Variants in NBAS observed in about 807,000 individuals in gnomAD.
The protein encoded by NBAS is NAG/BC035112 fusion.
NBAS carries 219 observed loss-of-function variants against 302.5 expected under a neutral mutation model. That is an observed-to-expected ratio of 0.72 (90% CI 0.65 to 0.81). The LOEUF (loss-of-function observed/expected upper bound fraction) is 0.81, where lower values mean the gene tolerates loss of function less well. Ranked by LOEUF, NBAS falls within the 30% of genes least tolerant of loss-of-function variation. NBAS has a pLI of 0.00. For synonymous variants in NBAS, 1,118 were observed against 1,021.6 expected (o/e 1.09, Z -1.80); for missense variants, 2,932 against 2,841.6 (o/e 1.03, Z -0.72).
chr2:15,498,825 T>C (rs1452988982), intron 11 of NBAS, among the ~76,000 whole-genome samples: 1 of 152,108 alleles, frequency 6.6e-6, no homozygotes, highest in Non-Finnish European at 1.5e-5. Flanking sequence ...CCGCCATGAT[T>C]GTAAGTTTCC....
At chr2:14,969,652 T>C in the NBAS span, among the ~76,000 whole-genome samples, 49,897 of 152,078 alleles carry the variant, frequency 0.33, 11,054 homozygotes, top group African/African-American at 0.63. Context: ...GCTGGGATTA[T>C]AGGCGTGAGC....
chr2:15,559,592 G>T (rs1664814085), intron 1 of NBAS, among the ~76,000 whole-genome samples: 1 of 152,242 alleles, frequency 6.6e-6, no homozygotes, highest in Middle Eastern at 3.4e-3. Context: ...TTGGATTCAT[G>T]CAAGACACAA....
chr2:15,023,408 G>C, the NBAS span, among the ~76,000 whole-genome samples: 3 of 151,896 alleles, frequency 2.0e-5, no homozygotes, highest in Admixed American at 2.0e-4. Context: ...TTAAATCATG[G>C]GAATTTAATA....
intron 29 of NBAS, among the ~76,000 whole-genome samples, chr2:15,380,626 AC>A: frequency 4.6e-5 from 1 of 21,644 alleles, no homozygotes; most frequent in Non-Finnish European, 1.6e-4. Context: ...CTACTAGACA[AC>A]TAACAACATC....
Position 15,305,449 on chromosome 2 carries a change from G to GCTTTTTT in NBAS, c.4797+2766_4797+2767insAAAAAAG, listed in dbSNP as rs766552962. ...TTTATAAATTACTCAGTCTCGAGCAGTTTTTTTTTTTTTTTTTTTTTAGAT... is the reference window on the plus strand; with the variant it reads ...TTTATAAATTACTCAGTCTCGAGCAGCTTTTTTTTTTTTTTTTTTTTTTTTTTTAGAT... On this transcript the variant is annotated intron_variant, in intron 40 of 51. Coordinates refer to ENST00000281513, the MANE Select transcript of NBAS (RefSeq NM_015909.4). Among the ~76,000 whole-genome samples the GCTTTTTT allele has an allele frequency of 4.0e-5, 5 of 123,804 alleles. 2 individuals carry two copies. Among genetic ancestry groups the GCTTTTTT allele is most frequent in the Non-Finnish European group, 5.0e-5 (3 of 59,598 alleles). 81.2% of individuals were successfully genotyped at this position (123,804 alleles called of 152,430 possible). A position where few individuals can be genotyped will look rare whatever the true frequency, so the allele number is the denominator to read the frequency against.
At chr2:15,172,038 C>T (rs1434603028) in intron 51 of NBAS, among the ~76,000 whole-genome samples, 1 of 152,140 alleles carries the variant, frequency 6.6e-6, no homozygotes, top group Admixed American at 6.5e-5. Flanking sequence ...GTATCTGAAA[C>T]ATTTTTTTGG....
At chr2:14,959,968 G>A in the NBAS span, among the ~76,000 whole-genome samples, 1 of 152,092 alleles carries the variant, frequency 6.6e-6, no homozygotes, top group African/African-American at 2.4e-5. Flanking sequence ...TGTTTCCTTG[G>A]TAGCCCTGAA....
the NBAS span, among the ~76,000 whole-genome samples, chr2:15,133,985 C>A: frequency 6.6e-6 from 1 of 152,036 alleles, no homozygotes; most frequent in African/African-American, 2.4e-5. Flanking sequence ...GACATCCCCA[C>A]TTCCATGCCC....
At chr2:15,090,807 G>A in the NBAS span, among the ~76,000 whole-genome samples, 1 of 152,140 alleles carries the variant, frequency 6.6e-6, no homozygotes, top group Non-Finnish European at 1.5e-5. Flanking sequence ...ATTGATAAAA[G>A]CATTTGGAAC....
the NBAS span, among the ~76,000 whole-genome samples, chr2:14,812,762 G>A: frequency 6.6e-6 from 1 of 152,102 alleles, no homozygotes; most frequent in African/African-American, 2.4e-5. Context: ...CCCAGTTTGT[G>A]GCATAAAAAA....
At chr2:15,017,496 A>G in the NBAS span, among the ~76,000 whole-genome samples, 1 of 147,810 alleles carries the variant, frequency 6.8e-6, no homozygotes, top group African/African-American at 2.6e-5. Context: ...AAAATCAGCA[A>G]ATGATCTGAA....
In NBAS at chr2:15,298,271, A is replaced by C. The variant is rs1670640498; in HGVS notation, c.4798-5505T>G. 2.0e-5 allele frequency among the ~76,000 whole-genome samples: 3 copies of C among 152,206 alleles called. No homozygotes were observed. The South Asian group carries it at 6.2e-4, about 31-fold the overall frequency. ...TATATACAAGTTTATAGCTCATCAA[A>C]TATTTGTGTATAAAAAAATTTTCAG... On this transcript the variant is annotated intron_variant, in intron 40 of 51. Coordinates refer to ENST00000281513, the MANE Select transcript of NBAS (RefSeq NM_015909.4).
chr2:15,365,506 A>G (rs1376071103), intron 32 of NBAS, among the ~76,000 whole-genome samples: 1 of 152,210 alleles, frequency 6.6e-6, no homozygotes, highest in African/African-American at 2.4e-5. Context: ...GTAATTTAGC[A>G]AATGTGTGGC....
chr2:15,546,697 C>T (rs1352427344), intron 6 of NBAS, among the ~76,000 whole-genome samples: 2 of 152,200 alleles, frequency 1.3e-5, no homozygotes, highest in Non-Finnish European at 2.9e-5. Flanking sequence ...CACTGCACTC[C>T]AGCCTCAGTG....
the NBAS span, among the ~76,000 whole-genome samples, chr2:14,848,734 A>T: frequency 6.6e-6 from 1 of 151,268 alleles, no homozygotes; most frequent in Non-Finnish European, 1.5e-5. Context: ...AGATCTGAGA[A>T]CGGGCAGACT....
intron 38 of NBAS, among the ~76,000 whole-genome samples, chr2:15,316,794 A>G (rs891410952): frequency 2.0e-5 from 3 of 152,230 alleles, no homozygotes; most frequent in African/African-American, 7.2e-5. Flanking sequence ...ATCCGTGGGC[A>G]GGGCACAGCT....
chr2:14,897,929 G>T, the NBAS span, among the ~76,000 whole-genome samples: 2 of 152,166 alleles, frequency 1.3e-5, no homozygotes, highest in Admixed American at 1.3e-4. Context: ...ACATCCTAAG[G>T]CTTGATGTTG....
At chr2:15,355,827 GC>G (rs1673587645) in intron 33 of NBAS, among the ~76,000 whole-genome samples, 1 of 152,062 alleles carries the variant, frequency 6.6e-6, no homozygotes, top group Non-Finnish European at 1.5e-5. Context: ...TGTACAGCTT[GC>G]AGAACTGTGA....
rs532331866 is a variant in NBAS at position 15,249,710 on chromosome 2, T to C, written c.5725-11024A>G. ...ATCATGAGTGAATTCCCATTCACAA[T>C]TGCTACAAAGAGAATAAAATACCTA... On this transcript the variant is annotated intron_variant, in intron 44 of 51. Coordinates refer to ENST00000281513, the MANE Select transcript of NBAS (RefSeq NM_015909.4). Among the ~76,000 whole-genome samples the C allele has an allele frequency of 2.1e-4, 32 of 152,274 alleles. 1 individual carries two copies. The highest frequency in any genetic ancestry group is 3.9e-4 in the East Asian group (2 of 5,184).
Sources: gnomAD v4.1 joint callset for allele counts (sites outside exome capture counted in the v4.1 genomes callset) on GRCh38, gnomAD v4.1.1 for gene constraint, MANE v1.5 for transcripts, NCBI Gene and HGNC (gene_info 2026-07-23, HGNC 2026-07-21) for gene names.